The following ADAMTS17 variants were observed in gnomAD, a reference collection of about 807,000 sequenced individuals.
ADAMTS17 encodes the protein ADAM metallopeptidase with thrombospondin type 1 motif 17.
A neutral mutation model predicts 141.5 loss-of-function variants in ADAMTS17; 113 were observed. The ratio of observed to expected loss-of-function variants is 0.80; its 90% CI spans 0.69 to 0.93. ADAMTS17 has a LOEUF of 0.93. ADAMTS17 is among the 40% of genes least tolerant of loss of function. The pLI is 0.00. For missense variants in ADAMTS17, 1,659 were observed against 1,517.9 expected (o/e 1.09, Z -1.54); for synonymous variants, 768 against 630.6 (o/e 1.22, Z -3.27).
chr15:100,164,295 C>T (rs2039858479), intron 8 of ADAMTS17, among the ~76,000 whole-genome samples: 2 of 152,186 alleles, frequency 1.3e-5, no homozygotes, highest in African/African-American at 4.8e-5. Flanking sequence ...TCAGACCAAC[C>T]TAGAAGAAAA....
intron 8 of ADAMTS17, 91 bp downstream of exon 8, chr15:100,199,227 G>T: frequency 1.6e-6 from 2 of 1,212,726 alleles, no homozygotes; most frequent in Non-Finnish European, 2.5e-6. Context: ...GCATAGAGCA[G>T]CACTGTTTTA....
intron 7 of ADAMTS17, among the ~76,000 whole-genome samples, chr15:100,204,357 C>T (rs374534583): frequency 4.6e-5 from 7 of 152,284 alleles, no homozygotes; most frequent in Admixed American, 1.3e-4. Flanking sequence ...TACCAAACAC[C>T]GTCATAGTTA....
At chr15:100,114,556 G>A (rs917952737) in intron 13 of ADAMTS17, among the ~76,000 whole-genome samples, 2 of 152,154 alleles carry the variant, frequency 1.3e-5, no homozygotes, top group African/African-American at 4.8e-5. Flanking sequence ...AGGACGTGTC[G>A]AGCTACCTGT....
In ADAMTS17 at chr15:99,971,457, TTACACA is replaced by T. The variant is rs796832229; in HGVS notation, c.*2939_*2944del. ...TAAACTGTTATGGAAAAACATTTTA[TTACACA>T]TATTCAACTTGCTTCCAATGAAATG... On this transcript the variant is annotated 3_prime_UTR_variant, in exon 22 of 22. Coordinates refer to ENST00000268070, the MANE Select transcript of ADAMTS17 (RefSeq NM_139057.4). 1.9e-4 allele frequency: 29 copies of T among 152,370 alleles called. No individual in the cohort carries two copies. The highest frequency in any genetic ancestry group is 7.0e-4 in the African/African-American group (29 of 41,594). 9.4% of individuals were successfully genotyped at this position (152,370 alleles called of 1,614,324 possible). A position where few individuals can be genotyped will look rare whatever the true frequency, so the allele number is the denominator to read the frequency against.
intron 3 of ADAMTS17, 91 bp from the exon 4 acceptor site, chr15:100,281,492 A>G (rs2044282396): frequency 1.3e-6 from 2 of 1,506,422 alleles, no homozygotes; most frequent in Non-Finnish European, 1.8e-6. Context: ...CCTGCCCGAG[A>G]GAGTGGTCAG....
At chr15:100,067,132 C>T (rs1001746398) in intron 15 of ADAMTS17, among the ~76,000 whole-genome samples, 1 of 152,058 alleles carries the variant, frequency 6.6e-6, no homozygotes, top group South Asian at 2.1e-4. Flanking sequence ...TTCTAAGTGT[C>T]GTTCCTTTCT....
intron 14 of ADAMTS17, among the ~76,000 whole-genome samples, chr15:100,108,150 C>T (rs1464715748): frequency 6.6e-6 from 1 of 151,002 alleles, no homozygotes; most frequent in Non-Finnish European, 1.5e-5. Flanking sequence ...GGAGGGTAAG[C>T]TTCCTTCCTT....
At chr15:100,223,708 T>C (rs988638348) in intron 7 of ADAMTS17, among the ~76,000 whole-genome samples, 7 of 150,816 alleles carry the variant, frequency 4.6e-5, no homozygotes, top group Non-Finnish European at 7.4e-5. Context: ...CATGTATATA[T>C]GTATATACAT....
intron 3 of ADAMTS17, among the ~76,000 whole-genome samples, chr15:100,321,052 C>G (rs1200912105): frequency 6.6e-6 from 1 of 151,806 alleles, no homozygotes; most frequent in Admixed American, 6.6e-5. Context: ...TGGGAAGAGA[C>G]AAAGACAAAA....
rs74442617 is a variant in ADAMTS17, at chr15:100,152,773, C to T, written c.1323-11G>A. On this transcript the variant is annotated splice_polypyrimidine_tract_variant and intron_variant, in intron 9 of 21. Coordinates refer to ENST00000268070, the MANE Select transcript of ADAMTS17 (RefSeq NM_139057.4). Reference sequence around the variant, plus strand: ...GTGCTGACTTTTGACCTGAAACAGCCGAGAGGCAAGTTGACTTGCAAATGT... The same window carrying T: ...GTGCTGACTTTTGACCTGAAACAGCTGAGAGGCAAGTTGACTTGCAAATGT... 26 of 1,613,810 alleles carry T rather than the reference C, an allele frequency of 1.6e-5. No homozygotes were observed. The highest frequency in any genetic ancestry group is 1.1e-4 in the East Asian group (5 of 44,892).
rs567178718 is a variant in ADAMTS17, at chr15:100,182,940, AT to A, written c.1181+16377del. On this transcript the variant is annotated intron_variant, in intron 8 of 21. Transcript: ENST00000268070. ...ATGTTTTCGGACTTTATTTCTTCAA[AT>A]ATTTTTTCCAGTGCCACAATCTTTA... 2.9e-3 allele frequency among the ~76,000 whole-genome samples: 446 copies of A among 152,228 alleles called. 2 individuals carry two copies. Among genetic ancestry groups the A allele is most frequent in the African/African-American group, 0.01 (424 of 41,532 alleles).
intron 10 of ADAMTS17, among the ~76,000 whole-genome samples, chr15:100,150,227 GGGAA>G (rs2039097374): frequency 6.6e-6 from 1 of 152,142 alleles, no homozygotes; most frequent in Non-Finnish European, 1.5e-5. Flanking sequence ...ACAAAGCTGA[GGGAA>G]TCATTGCTTG....
intron 7 of ADAMTS17, among the ~76,000 whole-genome samples, chr15:100,245,000 G>A (rs1367126311): frequency 1.3e-5 from 2 of 152,176 alleles, no homozygotes; most frequent in Non-Finnish European, 2.9e-5. Flanking sequence ...ACTCCGAATT[G>A]CATGACTAGA....
At chr15:100,002,171 T>C (rs1192233128) in intron 18 of ADAMTS17, among the ~76,000 whole-genome samples, 1 of 152,022 alleles carries the variant, frequency 6.6e-6, no homozygotes, top group East Asian at 1.9e-4. Context: ...TCTCATGAAC[T>C]GACTCCCACA....
chr15:100,053,004 A>G (rs1477121917), intron 16 of ADAMTS17, among the ~76,000 whole-genome samples: 2 of 152,248 alleles, frequency 1.3e-5, no homozygotes, highest in East Asian at 3.8e-4. Context: ...TTGGGTGTCA[A>G]CTAACCTGGA....
chr15:100,290,459 T>C (rs1245195825), intron 3 of ADAMTS17, among the ~76,000 whole-genome samples: 1 of 152,230 alleles, frequency 6.6e-6, no homozygotes, highest in Admixed American at 6.5e-5. Context: ...TTCAATGTTA[T>C]TCCTATCAAA....
intron 4 of ADAMTS17, among the ~76,000 whole-genome samples, chr15:100,268,819 C>T (rs959588681): frequency 6.6e-6 from 1 of 152,074 alleles, no homozygotes; most frequent in African/African-American, 2.4e-5. Flanking sequence ...GCAGAACAGC[C>T]AAAGCAATCC....
chr15:100,189,317 G>A (rs559324658), intron 8 of ADAMTS17, among the ~76,000 whole-genome samples: 7 of 152,304 alleles, frequency 4.6e-5, no homozygotes, highest in East Asian at 1.9e-4. Flanking sequence ...TATATGGAGC[G>A]GGGCTTTGCG....
chr15:100,161,362 G>T (rs1203214525), intron 8 of ADAMTS17, among the ~76,000 whole-genome samples: 1 of 152,152 alleles, frequency 6.6e-6, no homozygotes, highest in Non-Finnish European at 1.5e-5. Context: ...TTGATGTCAG[G>T]TGTAGGCGTC....
Sources: allele counts gnomAD v4.1 joint callset (sites outside exome capture counted in the v4.1 genomes callset), GRCh38; gene constraint gnomAD v4.1.1; transcripts MANE v1.5; gene names NCBI Gene and HGNC (gene_info 2026-07-23, HGNC 2026-07-21).